Variants in SCGN observed in about 807,000 individuals in gnomAD.
SCGN encodes secretagogin.
SCGN carries 30 observed loss-of-function variants against 39.7 expected under a neutral mutation model. The observed-to-expected ratio is 0.76, with a 90% CI of 0.57 to 1.03. The LOEUF (loss-of-function observed/expected upper bound fraction) is 1.03, where lower values mean the gene tolerates loss of function less well. Ranked by LOEUF, SCGN falls within the 50% of genes least tolerant of loss-of-function variation. The pLI, the probability that SCGN is intolerant of heterozygous loss-of-function variation, is 0.00. For synonymous variants in SCGN, 106 were observed against 114.1 expected, an observed-to-expected ratio of 0.93 and a Z score of 0.45; for missense variants, 353 against 349.4, an observed-to-expected ratio of 1.01 and a Z score of -0.08.
chr6:25,669,802 C>T (rs1335919059), intron 5 of SCGN, among the ~76,000 whole-genome samples, 197 bp from the exon 6 acceptor site: 5 of 152,264 alleles, frequency 3.3e-5, no homozygotes, highest in South Asian at 2.1e-4. Flanking sequence ...AACTTTTTCA[C>T]GCTGGAGCTA....
At chr6:25,700,241 C>CAAAAAAAAA (rs34079471) in intron 10 of SCGN, among the ~76,000 whole-genome samples, 1 of 100,870 alleles carries the variant, frequency 9.9e-6, no homozygotes, top group Non-Finnish European at 1.9e-5. Flanking sequence ...GACTTCGTCT[C>CAAAAAAAAA]AAAAAAAAAA....
chr6:25,682,633 C>CA (rs1759652492), intron 7 of SCGN, among the ~76,000 whole-genome samples: 1 of 152,150 alleles, frequency 6.6e-6, no homozygotes, highest in South Asian at 2.1e-4. Context: ...AGCAAATAGT[C>CA]AGAGTTGAAA....
At chr6:25,655,004 C>T (rs1253332010) in intron 2 of SCGN, among the ~76,000 whole-genome samples, 1 of 152,218 alleles carries the variant, frequency 6.6e-6, no homozygotes, top group Non-Finnish European at 1.5e-5. Context: ...ATCTAGCCAG[C>T]CACTTTCACG....
chr6:25,689,598 G>C (rs565674044), intron 9 of SCGN, 66 bp downstream of exon 9: 6 of 1,343,002 alleles, frequency 4.5e-6, no homozygotes. Context: ...CCCCTATGTG[G>C]AGCCATCTTA....
chr6:25,655,752 A>G (rs527303611), intron 2 of SCGN, among the ~76,000 whole-genome samples: 1 of 152,356 alleles, frequency 6.6e-6, no homozygotes, highest in Admixed American at 6.5e-5. Context: ...TCATTTTAAA[A>G]GCACTCAAAG....
chr6:25,700,625 G>C (rs1759899421), intron 10 of SCGN, among the ~76,000 whole-genome samples: 2 of 152,170 alleles, frequency 1.3e-5, no homozygotes, highest in African/African-American at 4.8e-5. Flanking sequence ...GAATCAATTT[G>C]TTAAAGCATT....
intron 3 of SCGN, among the ~76,000 whole-genome samples, chr6:25,663,958 G>A (rs1316405723): frequency 3.3e-5 from 5 of 152,156 alleles, no homozygotes; most frequent in East Asian, 1.9e-4. Context: ...ACAAGACACT[G>A]AGCAAACTAC....
chr6:25,659,078 G>A (rs1025550189), intron 2 of SCGN, among the ~76,000 whole-genome samples: 6 of 152,176 alleles, frequency 3.9e-5, no homozygotes, highest in Admixed American at 1.3e-4. Context: ...GAGTTGGTAC[G>A]ATGGATGACA....
intron 10 of SCGN, among the ~76,000 whole-genome samples, chr6:25,700,307 T>C (rs1335065343): frequency 6.6e-6 from 1 of 150,922 alleles, no homozygotes; most frequent in South Asian, 2.1e-4. Flanking sequence ...AAGGATGGGC[T>C]CTTTGATTTT....
intron 4 of SCGN, among the ~76,000 whole-genome samples, chr6:25,666,874 G>A (rs1760432930): frequency 1.3e-5 from 2 of 152,194 alleles, no homozygotes; most frequent in Admixed American, 6.5e-5. Flanking sequence ...TCTGTATAAA[G>A]TCATAATTAT....
At chr6:25,669,452 C>G in intron 4 of SCGN, 59 bp from the exon 5 acceptor site, 1 of 1,372,778 alleles carries the variant, frequency 7.3e-7, no homozygotes, top group Non-Finnish European at 1.0e-6. Context: ...TAGTAGATAC[C>G]ACATAATTAT....
In SCGN at chr6:25,652,415, C is replaced by T. The variant is rs200810952; in HGVS notation, c.12C>T (p.Ser4=). The T allele has an allele frequency of 1.9e-6, 3 of 1,614,162 alleles. No individual in the cohort carries two copies. Among genetic ancestry groups the T allele is most frequent in the Non-Finnish European group, 2.5e-6 (3 of 1,180,014 alleles). MDS[S]REPTLGRLDA... is the part of the protein sequence containing the mutation. ...TCGTCGTCAACACCATGGACAGCTCCCGGGAACCGACTCTGGGGCGCTTGG... is the reference window on the plus strand; with the variant it reads ...TCGTCGTCAACACCATGGACAGCTCTCGGGAACCGACTCTGGGGCGCTTGG... The change falls in exon 1 of 11, where the codon TCC becomes TCT. Residue 4 remains serine (S), a synonymous_variant. Coordinates refer to ENST00000377961, the MANE Select transcript of SCGN (RefSeq NM_006998.4).
At chr6:25,673,135 T>C (rs769555222) in intron 6 of SCGN, among the ~76,000 whole-genome samples, 6 of 152,182 alleles carry the variant, frequency 3.9e-5, no homozygotes, top group Non-Finnish European at 8.8e-5. Flanking sequence ...ACATTTGTCT[T>C]TGGGACCCTG....
At chr6:25,655,302 C>T (rs1170565848) in intron 2 of SCGN, among the ~76,000 whole-genome samples, 1 of 152,184 alleles carries the variant, frequency 6.6e-6, no homozygotes, top group Non-Finnish European at 1.5e-5. Context: ...ACTGTTGAAG[C>T]TGGAGTATCT....
intron 7 of SCGN, among the ~76,000 whole-genome samples, chr6:25,687,219 CA>C: frequency 6.6e-6 from 1 of 152,094 alleles, no homozygotes; most frequent in African/African-American, 2.4e-5. Flanking sequence ...TCAATTTCTG[CA>C]AAAAAACCAA....
At chr6:25,655,725 G>C (rs1760215916) in intron 2 of SCGN, among the ~76,000 whole-genome samples, 1 of 152,022 alleles carries the variant, frequency 6.6e-6, no homozygotes, top group African/African-American at 2.4e-5. Flanking sequence ...ATACATTTGG[G>C]GTCTGCCAAA....
At chr6:25,664,835 C>T in intron 3 of SCGN, 108 bp from the exon 4 acceptor site, 1 of 701,596 alleles carries the variant, frequency 1.4e-6, no homozygotes, top group African/African-American at 1.8e-5. Flanking sequence ...CCTGGAAGAT[C>T]TGAGCCCTTC....
At chr6:25,675,171 A>G (rs1759548540) in intron 6 of SCGN, among the ~76,000 whole-genome samples, 1 of 152,236 alleles carries the variant, frequency 6.6e-6, no homozygotes, top group Non-Finnish European at 1.5e-5. Flanking sequence ...GCACTCCCTC[A>G]ACAAAGGGAG....
At chr6:25,692,397 G>A (rs1007187893) in intron 10 of SCGN, among the ~76,000 whole-genome samples, 1 of 152,168 alleles carries the variant, frequency 6.6e-6, no homozygotes, top group Non-Finnish European at 1.5e-5. Flanking sequence ...TGGAGCCAGG[G>A]GCAGTGACTG....
Sources: gnomAD v4.1 joint callset for allele counts (sites outside exome capture counted in the v4.1 genomes callset) on GRCh38, gnomAD v4.1.1 for gene constraint, MANE v1.5 for transcripts, NCBI Gene and HGNC (gene_info 2026-07-23, HGNC 2026-07-21) for gene names.